Variants in KREMEN1 observed in about 807,000 individuals in gnomAD.
The protein encoded by KREMEN1 is kringle containing transmembrane protein 1.
KREMEN1 carries 30 observed loss-of-function variants against 46.5 expected under a neutral mutation model. The observed-to-expected ratio is 0.65, with a 90% confidence interval of 0.48 to 0.88. KREMEN1 has a LOEUF of 0.88. Among genes scored for constraint, KREMEN1 ranks in the 40% least tolerant of loss-of-function variants. The pLI is 0.00. For missense variants in KREMEN1, 533 were observed against 596.9 expected (o/e 0.89, Z 1.11); for synonymous variants, 214 against 230.6 (o/e 0.93, Z 0.65).
Position 29,089,880 on chromosome 22 carries a change from G to A in KREMEN1, c.98-4378G>A, listed in dbSNP as rs576401626. 3.4e-3 allele frequency among the ~76,000 whole-genome samples: 518 copies of A among 152,220 alleles called. 1 individual carries two copies. The highest frequency in any genetic ancestry group is 0.017 in the Middle Eastern group (5 of 294). On this transcript the variant is annotated intron_variant, in intron 1 of 8. Transcript: ENST00000400335. ...TACACACCTGCCGCCTCGTTCACTG[G>A]GTTTGCTTCCTCCCTTCATCCACAT...
At chr22:29,075,151 G>C (rs2123916507) in intron 1 of KREMEN1, among the ~76,000 whole-genome samples, 1 of 152,252 alleles carries the variant, frequency 6.6e-6, no homozygotes, top group Non-Finnish European at 1.5e-5. Context: ...CACTTCTACT[G>C]TTGTGAGGAG....
chr22:29,084,683 G>A (rs942995715), intron 1 of KREMEN1, among the ~76,000 whole-genome samples: 3 of 152,090 alleles, frequency 2.0e-5, no homozygotes, highest in Non-Finnish European at 2.9e-5. Context: ...CCTTCTCTCC[G>A]AAGCGTTTTC....
Position 29,146,573 on chromosome 22 carries a change from G to C in KREMEN1, c.*4461G>C, listed in dbSNP as rs976284090. 1.0e-6 allele frequency: 1 copy of C among 985,622 alleles called. No homozygotes were observed. The highest frequency in any genetic ancestry group is 6.1e-5 in the Admixed American group (1 of 16,264). 61.1% of individuals were successfully genotyped at this position (985,622 alleles called of 1,614,324 possible). A position where few individuals can be genotyped will look rare whatever the true frequency, so the allele number is the denominator to read the frequency against. On this transcript the variant is annotated 3_prime_UTR_variant, in exon 9 of 9. Transcript: ENST00000400335. ...CCACATCCAAACTCAGCTTCCAGCA[G>C]GGATTTTGACTTTGGATGACAAGGC...
downstream of KREMEN1, among the ~76,000 whole-genome samples, chr22:29,149,452 C>T (rs1412389612): frequency 2.2e-4 from 33 of 152,140 alleles, no homozygotes; most frequent in Non-Finnish European, 2.9e-5. Flanking sequence ...TGAGCCACCG[C>T]GTCCGACCCA....
intron 1 of KREMEN1, among the ~76,000 whole-genome samples, chr22:29,090,727 C>T (rs1386787120): frequency 6.6e-6 from 1 of 152,106 alleles, no homozygotes; most frequent in African/African-American, 2.4e-5. Context: ...AATCAAGATG[C>T]GCTAGATGAC....
intron 1 of KREMEN1, among the ~76,000 whole-genome samples, chr22:29,087,384 C>T (rs1052621924): frequency 1.3e-5 from 2 of 151,862 alleles, no homozygotes; most frequent in African/African-American, 2.4e-5. Flanking sequence ...AGTAATTCTA[C>T]CAGAAAACCA....
chr22:29,131,644 GTATA>G lies in KREMEN1; in HGVS notation c.632-5692_632-5689del, dbSNP rs200141547. Among the ~76,000 whole-genome samples, 8 of 117,600 alleles carry G rather than the reference GTATA, an allele frequency of 6.8e-5. No individual in the cohort carries two copies. In the South Asian group the frequency reaches 2.4e-3, roughly 36 times the overall value. The allele number at this position is 117,600 out of a possible 152,430, so 77.2% of individuals were successfully genotyped here. A position where few individuals can be genotyped will look rare whatever the true frequency, so the allele number is the denominator to read the frequency against. On this transcript the variant is annotated intron_variant, in intron 5 of 8. Transcript: ENST00000400335. ...TATGTATATATGTATATATATGTGT[GTATA>G]TATATGTATATATATACATGTATAT...
intron 9 of KREMEN1, among the ~76,000 whole-genome samples, chr22:29,152,337 C>T (rs904954474): frequency 1.3e-5 from 2 of 152,196 alleles, no homozygotes; most frequent in Non-Finnish European, 2.9e-5. Flanking sequence ...CATTGTTTTG[C>T]GTCTCCCAGG....
chr22:29,146,832 T>C, downstream of KREMEN1: 3 of 885,638 alleles, frequency 3.4e-6, no homozygotes, highest in Non-Finnish European at 4.1e-6. Context: ...TGATGGGCCC[T>C]ATGCTGTCAT....
At chr22:29,110,303 G>C in intron 3 of KREMEN1, among the ~76,000 whole-genome samples, 1 of 152,200 alleles carries the variant, frequency 6.6e-6, no homozygotes, top group East Asian at 1.9e-4. Context: ...GCTTCCAAGA[G>C]AGAAGCAGCA....
intron 1 of KREMEN1, among the ~76,000 whole-genome samples, chr22:29,082,433 G>C (rs891925860): frequency 1.3e-5 from 2 of 152,100 alleles, no homozygotes; most frequent in Non-Finnish European, 1.5e-5. Context: ...ACATAAACTT[G>C]TACTTGATTT....
chr22:29,094,485 T>G, intron 2 of KREMEN1, 65 bp downstream of exon 2: 1 of 1,431,146 alleles, frequency 7.0e-7, no homozygotes, highest in Non-Finnish European at 9.5e-7. Context: ...TTCCAACCCC[T>G]TTCATCCCAG....
At chr22:29,149,235 T>C (rs2038896999), downstream of KREMEN1, among the ~76,000 whole-genome samples, 1 of 151,786 alleles carries the variant, frequency 6.6e-6, no homozygotes, top group South Asian at 2.1e-4. Context: ...CTATTTCAGC[T>C]CACTGCAACC....
intron 9 of KREMEN1, among the ~76,000 whole-genome samples, chr22:29,158,346 C>G (rs960352895): frequency 1.3e-5 from 2 of 152,172 alleles, no homozygotes; most frequent in Non-Finnish European, 2.9e-5. Context: ...AAGGGGAGGC[C>G]ACGCCAGCCA....
chr22:29,089,424 T>C (rs1452454746), intron 1 of KREMEN1, among the ~76,000 whole-genome samples: 1 of 152,044 alleles, frequency 6.6e-6, no homozygotes, highest in Non-Finnish European at 1.5e-5. Context: ...AAAATATATC[T>C]GGAATCGGTC....
intron 5 of KREMEN1, among the ~76,000 whole-genome samples, chr22:29,135,867 G>A (rs2038649157): frequency 2.0e-5 from 3 of 152,136 alleles, no homozygotes; most frequent in South Asian, 4.2e-4. Context: ...TGGTTGTCAT[G>A]AGACCTCAGC....
intron 9 of KREMEN1, among the ~76,000 whole-genome samples, chr22:29,156,318 T>A (rs2038961028): frequency 6.6e-6 from 1 of 152,176 alleles, no homozygotes; most frequent in Admixed American, 6.5e-5. Context: ...AAAATAAACA[T>A]CTCCAGGCCC....
At chr22:29,135,591 C>T (rs953320661) in intron 5 of KREMEN1, among the ~76,000 whole-genome samples, 4 of 152,168 alleles carry the variant, frequency 2.6e-5, no homozygotes, top group Admixed American at 6.5e-5. Context: ...CTGGCCAACC[C>T]GAGTCACTTG....
At position 29,158,059 on chromosome 22, in the gene KREMEN1, T is replaced by C. The variant is rs565556533; in HGVS notation, c.1417-8985T>C. On this transcript the variant is annotated intron_variant, in intron 9 of 9. Transcript: ENST00000327813. ...ATGAAATTAGCGAATATATAGCCTG[T>C]CTCTGCCACACTATTCAAAAACTCG... Among the ~76,000 whole-genome samples the C allele has an allele frequency of 4.2e-3, 633 of 152,316 alleles. 2 individuals are homozygous for C. Among genetic ancestry groups the C allele is most frequent in the Non-Finnish European group, 6.6e-3 (451 of 68,030 alleles).
Sources: allele counts gnomAD v4.1 joint callset (sites outside exome capture counted in the v4.1 genomes callset), GRCh38; gene constraint gnomAD v4.1.1; transcripts MANE v1.5; gene names NCBI Gene and HGNC (gene_info 2026-07-23, HGNC 2026-07-21).